DGKG: variants seen among roughly 807,000 people sequenced by gnomAD.
The protein encoded by DGKG is DAG kinase gamma.
Under a neutral mutation model 105.3 loss-of-function variants are expected in DGKG, and 78 were observed. The observed-to-expected ratio is 0.74, with a 90% CI of 0.62 to 0.89. The LOEUF (loss-of-function observed/expected upper bound fraction) is 0.89. Ranked by LOEUF, DGKG falls within the 40% of genes least tolerant of loss-of-function variation. DGKG has a pLI of 0.00. For synonymous variants in DGKG, 346 were observed against 367.1 expected (o/e 0.94, Z 0.66); for missense variants, 958 against 1,020.1 (o/e 0.94, Z 0.83).
At position 186,224,583 on chromosome 3, in the gene DGKG, T is replaced by C. The variant is rs150257598; in HGVS notation, c.1827-12698A>G. On this transcript the variant is annotated intron_variant, in intron 20 of 24. Coordinates refer to ENST00000265022, the MANE Select transcript of DGKG (RefSeq NM_001346.3). ...GAGGCTCTGGGGTAAGGGGATTCTG[T>C]GGTCAGGTAAATTTGGGAATGAAAT... Among the ~76,000 whole-genome samples, 858 of 152,274 alleles carry C rather than the reference T, an allele frequency of 5.6e-3. 8 individuals are homozygous for C. Among genetic ancestry groups the C allele is most frequent in the African/African-American group, 0.02 (817 of 41,544 alleles).
chr3:186,341,360 G>A (rs1726076603), intron 1 of DGKG, among the ~76,000 whole-genome samples: 1 of 152,222 alleles, frequency 6.6e-6, no homozygotes, highest in Non-Finnish European at 1.5e-5. Flanking sequence ...AAAGAGCTGG[G>A]ATAGAGCCAG....
At chr3:186,150,265 G>C in intron 24 of DGKG, 77 bp from the exon 25 acceptor site, 3 of 1,511,620 alleles carry the variant, frequency 2.0e-6, no homozygotes, top group Non-Finnish European at 2.7e-6. Flanking sequence ...CGCAGAGAAA[G>C]GAAAGGCCAG....
Position 186,173,470 on chromosome 3 carries a change from C to T in DGKG, c.2096-8452G>A, listed in dbSNP as rs1249073899. Among the ~76,000 whole-genome samples, 3 of 152,246 alleles carry T rather than the reference C, an allele frequency of 2.0e-5. No homozygotes were observed. The East Asian group carries it at 5.8e-4, about 29-fold the overall frequency. ...TGCTTACAGTGGGGCCAGATTCAGT[C>T]CCCACAGTCTAGACAGGTGAGTGGG... On this transcript the variant is annotated intron_variant, in intron 22 of 24. Transcript: ENST00000265022.
intron 19 of DGKG, among the ~76,000 whole-genome samples, chr3:186,246,989 T>C (rs1253382090): frequency 2.0e-5 from 3 of 152,196 alleles, no homozygotes; most frequent in Admixed American, 1.3e-4. Context: ...GGAATTATTT[T>C]GTAGTCCCAA....
chr3:186,349,770 A>G (rs1351482772), intron 1 of DGKG, among the ~76,000 whole-genome samples: 2 of 152,298 alleles, frequency 1.3e-5, no homozygotes, highest in South Asian at 2.1e-4. Context: ...AAGTTTTTTT[A>G]CATGGTAAAA....
At chr3:186,163,751 A>C (rs991305038) in intron 23 of DGKG, among the ~76,000 whole-genome samples, 4 of 152,020 alleles carry the variant, frequency 2.6e-5, no homozygotes, top group Non-Finnish European at 5.9e-5. Flanking sequence ...CATGGCTTTC[A>C]GATTCCTCAA....
chr3:186,326,370 G>T (rs1299229330), intron 1 of DGKG, among the ~76,000 whole-genome samples: 3 of 150,886 alleles, frequency 2.0e-5, no homozygotes, highest in Non-Finnish European at 4.4e-5. Context: ...CTGCACTCCA[G>T]CCTGGGTGAC....
At chr3:186,299,790 T>C (rs1253576411) in intron 3 of DGKG, among the ~76,000 whole-genome samples, 2 of 79,150 alleles carry the variant, frequency 2.5e-5, no homozygotes, top group Non-Finnish European at 5.0e-5. Context: ...TCTTTCTTTC[T>C]TTCTTTCTTT....
chr3:186,185,562 G>T (rs1717585730), intron 22 of DGKG, among the ~76,000 whole-genome samples: 1 of 152,118 alleles, frequency 6.6e-6, no homozygotes, highest in African/African-American at 2.4e-5. Flanking sequence ...GAGCAGGGAG[G>T]GTGGTGGTGG....
chr3:186,246,067 G>A (rs1343545348), intron 19 of DGKG, among the ~76,000 whole-genome samples: 1 of 152,114 alleles, frequency 6.6e-6, no homozygotes, highest in Non-Finnish European at 1.5e-5. Context: ...TGCCTCCTGG[G>A]TTCAAGTGAT....
At chr3:186,242,285 T>G (rs565009300) in intron 20 of DGKG, among the ~76,000 whole-genome samples, 4 of 152,006 alleles carry the variant, frequency 2.6e-5, no homozygotes, top group Admixed American at 1.3e-4. Context: ...AGCCCTGCCC[T>G]CTGCACAGAT....
At chr3:186,240,887 A>G (rs1351186817) in intron 20 of DGKG, among the ~76,000 whole-genome samples, 4 of 152,020 alleles carry the variant, frequency 2.6e-5, no homozygotes, top group Non-Finnish European at 4.4e-5. Context: ...GTACTTTTTA[A>G]AAAAGTGGTT....
At chr3:186,213,346 C>T (rs1337772891) in intron 20 of DGKG, among the ~76,000 whole-genome samples, 4 of 152,246 alleles carry the variant, frequency 2.6e-5, no homozygotes, top group Admixed American at 2.6e-4. Flanking sequence ...AGGCTGAGCC[C>T]CAATGCCATG....
chr3:186,241,623 C>T (rs1292808278), intron 20 of DGKG, among the ~76,000 whole-genome samples: 1 of 152,064 alleles, frequency 6.6e-6, no homozygotes, highest in African/African-American at 2.4e-5. Flanking sequence ...CACCTTTAGG[C>T]TCAAAAACAA....
At chr3:186,188,884 G>A (rs770484129) in intron 21 of DGKG, among the ~76,000 whole-genome samples, 2 of 151,924 alleles carry the variant, frequency 1.3e-5, no homozygotes, top group African/African-American at 2.4e-5. Flanking sequence ...GCACAATCTC[G>A]GCTCACTGCA....
intron 5 of DGKG, among the ~76,000 whole-genome samples, chr3:186,294,050 T>A (rs1233918057): frequency 6.6e-6 from 1 of 152,190 alleles, no homozygotes; most frequent in Non-Finnish European, 1.5e-5. Flanking sequence ...ATTTTTCCCA[T>A]ACACAAGGAA....
intron 3 of DGKG, among the ~76,000 whole-genome samples, chr3:186,300,766 TAAAC>T (rs1560142526): frequency 2.0e-5 from 3 of 152,246 alleles, no homozygotes; most frequent in Non-Finnish European, 4.4e-5. Flanking sequence ...AAAGTTTAGT[TAAAC>T]AGTCTAACAT....
intron 5 of DGKG, among the ~76,000 whole-genome samples, chr3:186,297,062 T>TCACACACACACA (rs1491170428): frequency 2.4e-3 from 64 of 26,800 alleles, no homozygotes; most frequent in African/African-American, 4.8e-3. Context: ...TGTCTGTCTG[T>TCACACACACACA]CTCTCTCACA....
intron 19 of DGKG, among the ~76,000 whole-genome samples, chr3:186,243,895 G>GTGTTTTTTTTTTTTTTTTTT (rs1720804481): frequency 1.7e-5 from 2 of 116,338 alleles, no homozygotes; most frequent in African/African-American, 7.3e-5. Flanking sequence ...AAATTTCTGT[G>GTGTTTTTTTTTTTTTTTTTT]TTTTTTTTTT....
Sources: allele counts gnomAD v4.1 joint callset (sites outside exome capture counted in the v4.1 genomes callset), GRCh38; gene constraint gnomAD v4.1.1; transcripts MANE v1.5; gene names NCBI Gene and HGNC (gene_info 2026-07-23, HGNC 2026-07-21).